PXDNL: variants seen among roughly 807,000 people sequenced by gnomAD.
The protein encoded by PXDNL is peroxidasin like.
In PXDNL, 145 loss-of-function variants were observed where a neutral mutation model predicts 150.8. That is an observed-to-expected ratio of 0.96 (90% CI 0.84 to 1.10). The LOEUF is 1.10. Ranked by LOEUF, PXDNL falls within the 50% of genes least tolerant of loss-of-function variation. The pLI is 0.00. For synonymous variants in PXDNL, 757 were observed against 725.7 expected (o/e 1.04, Z -0.69); for missense variants, 2,087 against 1,873.9 (o/e 1.11, Z -2.10).
intron 21 of PXDNL, among the ~76,000 whole-genome samples, chr8:51,326,519 A>G (rs1165005938): frequency 6.6e-6 from 1 of 152,154 alleles, no homozygotes; most frequent in Admixed American, 6.5e-5. Context: ...ATAAAAGAAA[A>G]ATAAGCAGGA....
At chr8:51,332,298 A>T (rs1285059790) in intron 21 of PXDNL, among the ~76,000 whole-genome samples, 1 of 152,174 alleles carries the variant, frequency 6.6e-6, no homozygotes, top group Non-Finnish European at 1.5e-5. Context: ...CATCAAGAGA[A>T]CACCCTGTGG....
chr8:51,509,297 AAC>A (rs1459024954), intron 4 of PXDNL, among the ~76,000 whole-genome samples: 1 of 152,192 alleles, frequency 6.6e-6, no homozygotes, highest in East Asian at 1.9e-4. Context: ...GAATGCAAGA[AAC>A]ACAGAAATCA....
chr8:51,331,213 G>A (rs574330034), intron 21 of PXDNL, among the ~76,000 whole-genome samples: 2 of 152,296 alleles, frequency 1.3e-5, no homozygotes, highest in East Asian at 3.9e-4. Context: ...CCCCACTGGA[G>A]AAGCTTAAGG....
chr8:51,421,612 T>C (rs967766827), intron 14 of PXDNL, among the ~76,000 whole-genome samples: 1 of 152,124 alleles, frequency 6.6e-6, no homozygotes, highest in Non-Finnish European at 1.5e-5. Flanking sequence ...GGCAGGAGAA[T>C]TGCTTGAACC....
At chr8:51,709,356 G>A (rs1296382758) in intron 1 of PXDNL, among the ~76,000 whole-genome samples, 3 of 151,776 alleles carry the variant, frequency 2.0e-5, no homozygotes, top group African/African-American at 4.8e-5. Flanking sequence ...CCGGGTTCAC[G>A]CCATTCTCCC....
At chr8:51,361,960 A>AAAAAAAAAAAAAAAAAAAAG (rs1563374211) in intron 19 of PXDNL, among the ~76,000 whole-genome samples, 1 of 148,896 alleles carries the variant, frequency 6.7e-6, no homozygotes, top group African/African-American at 2.5e-5. Flanking sequence ...AAAAAAAAAA[A>AAAAAAAAAAAAAAAAAAAAG]AAAAAGAAAA....
intron 2 of PXDNL, among the ~76,000 whole-genome samples, chr8:51,612,813 A>G (rs974153774): frequency 6.6e-5 from 10 of 152,252 alleles, no homozygotes; most frequent in African/African-American, 2.4e-4. Context: ...TCTGTTATTC[A>G]TAAGCCACTC....
intron 8 of PXDNL, among the ~76,000 whole-genome samples, chr8:51,465,485 G>A (rs1810185419): frequency 6.6e-6 from 1 of 152,044 alleles, no homozygotes; most frequent in Non-Finnish European, 1.5e-5. Flanking sequence ...TTCCCCTTGA[G>A]AACCAAAACA....
chr8:51,388,731 C>G (rs1366752469), intron 17 of PXDNL, among the ~76,000 whole-genome samples: 3 of 152,162 alleles, frequency 2.0e-5, no homozygotes, highest in African/African-American at 4.8e-5. Flanking sequence ...CTCCCTATCT[C>G]TAAATCTCCC....
chr8:51,453,218 T>C (rs1303947223), intron 10 of PXDNL, among the ~76,000 whole-genome samples: 1 of 152,346 alleles, frequency 6.6e-6, no homozygotes, highest in Admixed American at 6.5e-5. Context: ...GTACTGTCTT[T>C]CCTGTATCTG....
At chr8:51,368,400 C>T (rs2130773510) in intron 19 of PXDNL, among the ~76,000 whole-genome samples, 1 of 152,032 alleles carries the variant, frequency 6.6e-6, no homozygotes, top group Middle Eastern at 3.4e-3. Context: ...GACTCAGAGT[C>T]CATTTCAATG....
At chr8:51,569,762 C>G (rs1333627536) in intron 3 of PXDNL, among the ~76,000 whole-genome samples, 1 of 151,704 alleles carries the variant, frequency 6.6e-6, no homozygotes, top group Non-Finnish European at 1.5e-5. Flanking sequence ...AATCTAAAAT[C>G]AAATTAGTAC....
chr8:51,660,246 T>C (rs1242864553), intron 1 of PXDNL, among the ~76,000 whole-genome samples: 3 of 152,156 alleles, frequency 2.0e-5, no homozygotes, highest in South Asian at 2.1e-4. Flanking sequence ...CCAGTGTAAG[T>C]TGTAAGATAA....
At chr8:51,680,312 A>C (rs919307015) in intron 1 of PXDNL, among the ~76,000 whole-genome samples, 1 of 152,188 alleles carries the variant, frequency 6.6e-6, no homozygotes, top group African/African-American at 2.4e-5. Flanking sequence ...TTCAAAACAC[A>C]GAAAACTAGG....
At chr8:51,441,707 G>C (rs1809553484) in intron 12 of PXDNL, among the ~76,000 whole-genome samples, 1 of 152,194 alleles carries the variant, frequency 6.6e-6, no homozygotes, top group Non-Finnish European at 1.5e-5. Context: ...GTGATGGTTA[G>C]TGGTATCCAT....
At chr8:51,743,875 T>C (rs960266307) in intron 1 of PXDNL, among the ~76,000 whole-genome samples, 1 of 108,464 alleles carries the variant, frequency 9.2e-6, no homozygotes, top group African/African-American at 3.1e-5. Context: ...CTGGAATAAA[T>C]GTTGGAACCT....
At chr8:51,497,410 C>A (rs928565114) in intron 5 of PXDNL, among the ~76,000 whole-genome samples, 2 of 152,172 alleles carry the variant, frequency 1.3e-5, no homozygotes, top group African/African-American at 4.8e-5. Context: ...AAAGCAATGG[C>A]AACAAAATCC....
intron 2 of PXDNL, among the ~76,000 whole-genome samples, chr8:51,634,933 T>G (rs2130763284): frequency 6.6e-6 from 1 of 152,252 alleles, no homozygotes; most frequent in East Asian, 1.9e-4. Context: ...AGACAGATAA[T>G]TTGACTTCTT....
chr8:51,793,249 AC>A (rs1252375094), intron 1 of PXDNL, among the ~76,000 whole-genome samples: 3 of 152,196 alleles, frequency 2.0e-5, no homozygotes, highest in Non-Finnish European at 4.4e-5. Context: ...CTGACTGTTA[AC>A]AACAAACAAG....
Sources: gnomAD v4.1 joint callset for allele counts (sites outside exome capture counted in the v4.1 genomes callset) on GRCh38, gnomAD v4.1.1 for gene constraint, MANE v1.5 for transcripts, NCBI Gene and HGNC (gene_info 2026-07-23, HGNC 2026-07-21) for gene names.